TMEM170B: variants seen among roughly 807,000 people sequenced by gnomAD.
TMEM170B encodes the protein transmembrane protein 170B.
In TMEM170B, 6 loss-of-function variants were observed where a neutral mutation model predicts 13.0. The ratio of observed to expected loss-of-function variants is 0.46; its 90% confidence interval spans 0.25 to 0.91. The LOEUF (loss-of-function observed/expected upper bound fraction) is 0.91. Ranked by LOEUF, TMEM170B falls within the 40% of genes least tolerant of loss-of-function variation. The pLI, the probability that TMEM170B is intolerant of heterozygous loss-of-function variation, is 0.17. For missense variants in TMEM170B, 138 were observed against 165.2 expected, an observed-to-expected ratio of 0.84 and a Z score of 0.90; for synonymous variants, 61 against 64.9, an observed-to-expected ratio of 0.94 and a Z score of 0.29.
chr6:11,557,343 C>CA (rs1210903685), intron 1 of TMEM170B, among the ~76,000 whole-genome samples: 1 of 152,064 alleles, frequency 6.6e-6, no homozygotes, highest in Non-Finnish European at 1.5e-5. Context: ...TTAAATTCTA[C>CA]AAAATCATGC....
At chr6:11,549,681 AAG>A (rs956511916) in intron 1 of TMEM170B, among the ~76,000 whole-genome samples, 1 of 152,068 alleles carries the variant, frequency 6.6e-6, no homozygotes, top group African/African-American at 2.4e-5. Context: ...AAAAAGAAAA[AAG>A]AGGCCTCATT....
chr6:11,550,163 T>G (rs1367770834), intron 1 of TMEM170B, among the ~76,000 whole-genome samples: 3 of 147,920 alleles, frequency 2.0e-5, no homozygotes, highest in Non-Finnish European at 4.5e-5. Flanking sequence ...AATCCTGTCG[T>G]GGCTTATATA....
intron 1 of TMEM170B, among the ~76,000 whole-genome samples, chr6:11,543,630 A>AT (rs1759391717): frequency 6.6e-6 from 1 of 152,174 alleles, no homozygotes; most frequent in Non-Finnish European, 1.5e-5. Flanking sequence ...CTCAGAAGGC[A>AT]TTTTTTCGTC....
intron 2 of TMEM170B, among the ~76,000 whole-genome samples, chr6:11,570,740 G>T: frequency 6.6e-6 from 1 of 152,142 alleles, no homozygotes; most frequent in East Asian, 1.9e-4. Context: ...TGCACAGCTT[G>T]TTTGCAGAGG....
At chr6:11,568,319 A>G (rs1759761267) in intron 2 of TMEM170B, among the ~76,000 whole-genome samples, 1 of 152,212 alleles carries the variant, frequency 6.6e-6, no homozygotes, top group Admixed American at 6.5e-5. Flanking sequence ...ACAAACAGAT[A>G]TGAAAGGGGC....
chr6:11,563,505 C>T (rs746531780), intron 1 of TMEM170B, among the ~76,000 whole-genome samples: 43 of 152,138 alleles, frequency 2.8e-4, no homozygotes, highest in Admixed American at 6.5e-4. Flanking sequence ...GTCCCAGAAA[C>T]GACTCCCATT....
At chr6:11,566,708 T>G (rs537776876) in intron 2 of TMEM170B, among the ~76,000 whole-genome samples, 4 of 152,234 alleles carry the variant, frequency 2.6e-5, no homozygotes, top group African/African-American at 4.8e-5. Flanking sequence ...CATTTAACCT[T>G]GGTGCTATGA....
In TMEM170B at chr6:11,578,805, A is replaced by G. The variant is rs1197708852; in HGVS notation, c.*3244A>G. 1 of 152,200 alleles carries G rather than the reference A, an allele frequency of 6.6e-6. No individual in the cohort carries two copies. Among genetic ancestry groups the G allele is most frequent in the Non-Finnish European group, 1.5e-5 (1 of 68,014 alleles). The allele number at this position is 152,200 out of a possible 1,614,324, so 9.4% of individuals were successfully genotyped here. On this transcript the variant is annotated 3_prime_UTR_variant, in exon 3 of 3. Transcript: ENST00000379426. ...AATAAAGAAATGAGTTGGCCTGTAT[A>G]TCTTGTATTTGTGATATGAGCAACG...
Position 11,575,665 on chromosome 6 carries a change from C to A in TMEM170B, c.*104C>A. The stretch of plus-strand genomic sequence containing the variant: ...AAATGAAATTGTGCAAGAATGTGGA[C>A]TGAGCAGGTCAAAGCATAAGGAAGA... On this transcript the variant is annotated 3_prime_UTR_variant, in exon 3 of 3. Transcript: ENST00000379426. The surrounding 1 kb of genome is among the most constrained non-coding windows in gnomAD (Gnocchi z 4.1). The A allele has an allele frequency of 1.4e-6, 2 of 1,409,166 alleles. No individual in the cohort carries two copies. Among genetic ancestry groups the A allele is most frequent in the Non-Finnish European group, 2.0e-6 (2 of 1,015,684 alleles). 87.3% of individuals were successfully genotyped at this position (1,409,166 alleles called of 1,614,324 possible). A position where few individuals can be genotyped will look rare whatever the true frequency, so the allele number is the denominator to read the frequency against.
At chr6:11,553,397 G>A (rs1246507120) in intron 1 of TMEM170B, among the ~76,000 whole-genome samples, 2 of 152,112 alleles carry the variant, frequency 1.3e-5, no homozygotes, top group African/African-American at 4.8e-5. Context: ...AAATATGTTA[G>A]GTGAGCAGCT....
chr6:11,541,302 G>A (rs748766415), intron 1 of TMEM170B, among the ~76,000 whole-genome samples: 7 of 152,178 alleles, frequency 4.6e-5, no homozygotes, highest in Non-Finnish European at 1.0e-4. Flanking sequence ...TGTTGTTTGG[G>A]GTAGCCACCT....
intron 1 of TMEM170B, among the ~76,000 whole-genome samples, chr6:11,542,950 A>G (rs1365855167): frequency 6.6e-6 from 1 of 152,176 alleles, no homozygotes; most frequent in Non-Finnish European, 1.5e-5. Flanking sequence ...AATTGTCCCA[A>G]ATCTTATAGC....
chr6:11,543,953 C>A (rs1759395817), intron 1 of TMEM170B, among the ~76,000 whole-genome samples: 1 of 152,090 alleles, frequency 6.6e-6, no homozygotes, highest in African/African-American at 2.4e-5. Context: ...AAAATAAATT[C>A]TTAAAAAGTA....
chr6:11,580,402 TATTCTC>T lies in TMEM170B; in HGVS notation c.*4843_*4848del, dbSNP rs1438143723. The T allele has an allele frequency of 6.6e-6, 1 of 152,200 alleles. No individual in the cohort carries two copies. Among genetic ancestry groups the T allele is most frequent in the Non-Finnish European group, 1.5e-5 (1 of 68,030 alleles). 9.4% of individuals were successfully genotyped at this position (152,200 alleles called of 1,614,324 possible). On this transcript the variant is annotated 3_prime_UTR_variant, in exon 3 of 3. Transcript: ENST00000379426. ...ACGATGCCTGGAGCAATTTCTGAAA[TATTCTC>T]AAACCACTTCACTCTTGACACTACA...
intron 2 of TMEM170B, among the ~76,000 whole-genome samples, chr6:11,571,263 G>A (rs1759797869): frequency 6.7e-6 from 1 of 150,010 alleles, no homozygotes; most frequent in Non-Finnish European, 1.5e-5. Context: ...ATACCTTACT[G>A]TACCCTTGAA....
Position 11,575,289 on chromosome 6 carries a change from C to G in TMEM170B, c.269-142C>G. On this transcript the variant is annotated intron_variant, in intron 2 of 2. Coordinates refer to ENST00000379426, the MANE Select transcript of TMEM170B (RefSeq NM_001100829.3). This position sits in a 1 kb window ranked among gnomAD's most constrained non-coding sequence, Gnocchi z 4.1. Reference sequence around the variant, plus strand: ...GTAACTTTCACCAATCACAGGGAAACTTTTTCATAGAAAGTGGATAAAATG... The same window carrying G: ...GTAACTTTCACCAATCACAGGGAAAGTTTTTCATAGAAAGTGGATAAAATG... 1.7e-6 allele frequency: 2 copies of G among 1,202,014 alleles called. No homozygotes were observed. Among genetic ancestry groups the G allele is most frequent in the Non-Finnish European group, 2.3e-6 (2 of 865,446 alleles). The allele number at this position is 1,202,014 out of a possible 1,614,324, so 74.5% of individuals were successfully genotyped here. A position where few individuals can be genotyped will look rare whatever the true frequency, so the allele number is the denominator to read the frequency against.
At chr6:11,542,805 G>A (rs191229508) in intron 1 of TMEM170B, among the ~76,000 whole-genome samples, 3 of 152,236 alleles carry the variant, frequency 2.0e-5, no homozygotes, top group Non-Finnish European at 2.9e-5. Flanking sequence ...CAAAAGAGGC[G>A]AGTAAACACA....
In TMEM170B at chr6:11,578,440, A is replaced by G. The variant is rs1561691413; in HGVS notation, c.*2879A>G. The G allele has an allele frequency of 1.3e-5, 2 of 152,174 alleles. No homozygotes were observed. Among genetic ancestry groups the G allele is most frequent in the South Asian group, 2.1e-4 (1 of 4,832 alleles). The allele number at this position is 152,174 out of a possible 1,614,324, so 9.4% of individuals were successfully genotyped here. A position where few individuals can be genotyped will look rare whatever the true frequency, so the allele number is the denominator to read the frequency against. Reference sequence around the variant, plus strand: ...CAAAGAAGGAACTCCTACATGCCCAAACTAATTACAGTTGAACATACTGAT... The same window carrying G: ...CAAAGAAGGAACTCCTACATGCCCAGACTAATTACAGTTGAACATACTGAT... On this transcript the variant is annotated 3_prime_UTR_variant, in exon 3 of 3. Transcript: ENST00000379426.
At chr6:11,546,292 ATAAAG>A (rs756453789) in intron 1 of TMEM170B, among the ~76,000 whole-genome samples, 26 of 152,224 alleles carry the variant, frequency 1.7e-4, no homozygotes, top group South Asian at 1.2e-3. Flanking sequence ...AATTAAGAAT[ATAAAG>A]TATTTTTCAT....
Sources: gnomAD v4.1 joint callset for allele counts (sites outside exome capture counted in the v4.1 genomes callset) on GRCh38, gnomAD v4.1.1 for gene constraint, Gnocchi (gnomAD v3.1) non-coding constraint, MANE v1.5 for transcripts, NCBI Gene and HGNC (gene_info 2026-07-23, HGNC 2026-07-21) for gene names.